The following C1QTNF1 variants were observed in gnomAD, a reference collection of about 807,000 sequenced individuals.
C1QTNF1 encodes complement C1q tumor necrosis factor-related protein 1.
In C1QTNF1, 22 loss-of-function variants were observed where a neutral mutation model predicts 27.8. That is an observed-to-expected ratio of 0.79 (90% CI 0.56 to 1.13). C1QTNF1 has a LOEUF of 1.13. Among genes scored for constraint, C1QTNF1 ranks in the 50% most tolerant of loss-of-function variants. The pLI is 0.00. For missense variants in C1QTNF1, 373 were observed against 380.2 expected (o/e 0.98, Z 0.16); for synonymous variants, 166 against 154.3 (o/e 1.08, Z -0.56).
chr17:79,046,549 C>T lies in C1QTNF1; in HGVS notation c.156-6C>T. On this transcript the variant is annotated splice_region_variant and splice_polypyrimidine_tract_variant and intron_variant, in intron 2 of 3. Coordinates refer to ENST00000579760, the MANE Select transcript of C1QTNF1 (RefSeq NM_030968.5). This position sits in a 1 kb window ranked among gnomAD's most constrained non-coding sequence, Gnocchi z 4.8. ...TGACTTTCACTGTGATTCTTTATTCCCTCAGGGCTGAAGAACAACATGAAA... is the reference window on the plus strand; with the variant it reads ...TGACTTTCACTGTGATTCTTTATTCTCTCAGGGCTGAAGAACAACATGAAA... 1 of 1,614,164 alleles carries T rather than the reference C, an allele frequency of 6.2e-7. No homozygotes were observed. Among genetic ancestry groups the T allele is most frequent in the South Asian group, 1.1e-5 (1 of 91,080 alleles).
rs144367493 is a variant in C1QTNF1 at position 79,032,434 on chromosome 17, C to T, written c.-15+7940C>T. 5.9e-5 allele frequency among the ~76,000 whole-genome samples: 9 copies of T among 152,304 alleles called. No homozygotes were observed. The East Asian group carries it at 1.7e-3, about 29-fold the overall frequency. On this transcript the variant is annotated intron_variant, in intron 1 of 3. Coordinates refer to ENST00000579760, the MANE Select transcript of C1QTNF1 (RefSeq NM_030968.5). ...TGGAAACGCTCAGGGCTTACTCCCT[C>T]CTTTACTGGCATAGGAAGCCCTTGG...
rs2072568960 is a variant in C1QTNF1, at chr17:79,046,239, T to C, written c.156-316T>C. Among the ~76,000 whole-genome samples, 1 of 152,200 alleles carries C rather than the reference T, an allele frequency of 6.6e-6. No individual in the cohort carries two copies. Among genetic ancestry groups the C allele is most frequent in the Non-Finnish European group, 1.5e-5 (1 of 68,034 alleles). The stretch of plus-strand genomic sequence containing the variant: ...GATATACGATAGGGAGTCCCGGCAT[T>C]GTCTTGTGTCACCCAAAGACCCTCT... On this transcript the variant is annotated intron_variant, in intron 2 of 3. Transcript: ENST00000579760. The surrounding 1 kb of genome is among the most constrained non-coding windows in gnomAD (Gnocchi z 4.8).
At chr17:79,028,586 TTCAGGGGAGC>T (rs1485370667) in intron 1 of C1QTNF1, among the ~76,000 whole-genome samples, 1 of 152,214 alleles carries the variant, frequency 6.6e-6, no homozygotes, top group Non-Finnish European at 1.5e-5. Context: ...TCCTCTGGCA[TTCAGGGGAGC>T]CCCCTCCTCC....
intron 1 of C1QTNF1, among the ~76,000 whole-genome samples, chr17:79,029,038 T>C (rs77714863): frequency 2.8e-3 from 431 of 152,260 alleles, no homozygotes; most frequent in African/African-American, 9.9e-3. Flanking sequence ...TCAAGGAAGA[T>C]GGTTACAGGT....
chr17:79,025,464 T>C (rs776682321), intron 1 of C1QTNF1, among the ~76,000 whole-genome samples: 3 of 152,142 alleles, frequency 2.0e-5, no homozygotes, highest in Non-Finnish European at 4.4e-5. Flanking sequence ...GGAGGCAACA[T>C]GACGTGCTGG....
At position 79,046,668 on chromosome 17, in the gene C1QTNF1, C is replaced by T. The variant is rs755078571; in HGVS notation, c.269C>T (p.Pro90Leu). The T allele has an allele frequency of 1.9e-6, 3 of 1,614,208 alleles. No individual in the cohort carries two copies. Among genetic ancestry groups the T allele is most frequent in the East Asian group, 2.2e-5 (1 of 44,886 alleles). Residue 90 changes from proline to leucine, a missense_variant, in exon 3 of 4, where the codon CCC (proline) becomes CTC (leucine). Transcript: ENST00000579760. This position sits in a 1 kb window ranked among gnomAD's most constrained non-coding sequence, Gnocchi z 4.8. ...GTSMYPATAV[P>L]QINITILKGE... ...TCCATGTACCCGGCGACCGCCGTGC[C>T]CCAGATCAACATCACTATCTTGAAA...
chr17:79,023,702 G>GCACACA (rs1437331174), upstream of C1QTNF1, among the ~76,000 whole-genome samples: 2 of 80,808 alleles, frequency 2.5e-5, no homozygotes, highest in Middle Eastern at 4.9e-3. Context: ...ATGCGCGCGC[G>GCACACA]CGCACACACA....
At chr17:79,030,066 C>T (rs1303834979) in intron 1 of C1QTNF1, among the ~76,000 whole-genome samples, 1 of 152,136 alleles carries the variant, frequency 6.6e-6, no homozygotes, top group South Asian at 2.1e-4. Flanking sequence ...TCTCTTTTCT[C>T]CCCATCCTAC....
chr17:79,046,453 G>A lies in C1QTNF1; in HGVS notation c.156-102G>A, dbSNP rs2145931663. Reference sequence around the variant, plus strand: ...GCCTTGTGGGTCCAGGTGAGAGAGTGAGAAGGCAGGTCAGGCATGCCAGAA... The same window carrying A: ...GCCTTGTGGGTCCAGGTGAGAGAGTAAGAAGGCAGGTCAGGCATGCCAGAA... On this transcript the variant is annotated intron_variant, in intron 2 of 3. Transcript: ENST00000579760. The surrounding 1 kb of genome is among the most constrained non-coding windows in gnomAD (Gnocchi z 4.8). The A allele has an allele frequency of 6.7e-7, 1 of 1,501,474 alleles. No individual in the cohort carries two copies. The highest frequency in any genetic ancestry group is 2.3e-5 in the East Asian group (1 of 44,130). 93.0% of individuals were successfully genotyped at this position (1,501,474 alleles called of 1,614,324 possible). A position where few individuals can be genotyped will look rare whatever the true frequency, so the allele number is the denominator to read the frequency against.
chr17:79,042,147 T>A (rs1178127071), intron 1 of C1QTNF1, among the ~76,000 whole-genome samples: 3 of 152,176 alleles, frequency 2.0e-5, no homozygotes, highest in African/African-American at 7.2e-5. Flanking sequence ...CATTTCGAGT[T>A]TTACATTTTG....
At chr17:79,033,065 T>A (rs2072177037) in intron 1 of C1QTNF1, among the ~76,000 whole-genome samples, 1 of 125,850 alleles carries the variant, frequency 7.9e-6, no homozygotes, top group African/African-American at 3.4e-5. Context: ...CAAAACTCTG[T>A]CTCAAAAAAA....
At chr17:79,028,252 C>A (rs1415262696) in intron 1 of C1QTNF1, among the ~76,000 whole-genome samples, 1 of 152,208 alleles carries the variant, frequency 6.6e-6, no homozygotes, top group Non-Finnish European at 1.5e-5. Flanking sequence ...ACGGCTAAAG[C>A]CACACTTGGT....
chr17:79,028,063 G>A (rs1241559123), intron 1 of C1QTNF1, among the ~76,000 whole-genome samples: 1 of 152,206 alleles, frequency 6.6e-6, no homozygotes. Flanking sequence ...CCGGGCCGGT[G>A]TCTGCCCATC....
chr17:79,046,571 G>T lies in C1QTNF1; in HGVS notation c.172G>T (p.Glu58Ter). 1 of 1,614,200 alleles carries T rather than the reference G, an allele frequency of 6.2e-7. No individual in the cohort carries two copies. Among genetic ancestry groups the T allele is most frequent in the Non-Finnish European group, 8.5e-7 (1 of 1,180,034 alleles). Reference protein sequence around the residue: ...DHAERAEEQHEKYRPSQDQGL... With the variant: ...DHAERAEEQH ...TTCCCTCAGGGCTGAAGAACAACAT[G>T]AAAAATACAGGCCCAGTCAGGACCA... Residue 58 changes from glutamate (E) to a stop codon, truncating the protein, a stop_gained, in exon 3 of 4, where the codon GAA becomes TAA. Coordinates refer to ENST00000579760, the MANE Select transcript of C1QTNF1 (RefSeq NM_030968.5). LOFTEE classifies it high-confidence loss of function. The surrounding 1 kb of genome is among the most constrained non-coding windows in gnomAD (Gnocchi z 4.8).
intron 2 of C1QTNF1, 40 bp downstream of exon 2, chr17:79,044,163 C>G (rs556380132): frequency 1.3e-6 from 2 of 1,538,734 alleles, no homozygotes; most frequent in African/African-American, 2.7e-5. Context: ...AGCTCTGGCT[C>G]TGGCCAGGCT....
chr17:79,045,041 T>C (rs981489626), intron 2 of C1QTNF1, among the ~76,000 whole-genome samples: 7 of 134,316 alleles, frequency 5.2e-5, no homozygotes, highest in African/African-American at 2.4e-4. Context: ...GATAGACACA[T>C]GAGAGACAGG....
chr17:79,023,262 CA>C (rs1271091164), upstream of C1QTNF1, among the ~76,000 whole-genome samples: 3 of 151,698 alleles, frequency 2.0e-5, no homozygotes, highest in Non-Finnish European at 2.9e-5. Flanking sequence ...AAAAAAGAAG[CA>C]AAAAAAGGGG....
chr17:79,035,430 A>G (rs1599289945), intron 1 of C1QTNF1, among the ~76,000 whole-genome samples: 2 of 125,590 alleles, frequency 1.6e-5, no homozygotes, highest in Admixed American at 1.6e-4. Flanking sequence ...TCTGGGCTGA[A>G]TCGTATTTTT....
At chr17:79,028,869 C>T (rs907089453) in intron 1 of C1QTNF1, among the ~76,000 whole-genome samples, 1 of 148,174 alleles carries the variant, frequency 6.7e-6, no homozygotes, top group Non-Finnish European at 1.5e-5. Context: ...CTGCCCAAGC[C>T]CCTCACATTT....
Sources: gnomAD v4.1 joint callset for allele counts (sites outside exome capture counted in the v4.1 genomes callset) on GRCh38, gnomAD v4.1.1 for gene constraint, Gnocchi (gnomAD v3.1) non-coding constraint, MANE v1.5 for transcripts, NCBI Gene and HGNC (gene_info 2026-07-23, HGNC 2026-07-21) for gene names.